The following GNA11 variants were observed in gnomAD, a reference collection of about 807,000 sequenced individuals.
GNA11 encodes the protein G protein subunit alpha 11.
In GNA11, 8 loss-of-function variants were observed where a neutral mutation model predicts 38.2. That is an observed-to-expected ratio of 0.21 (90% CI 0.12 to 0.38). The LOEUF (loss-of-function observed/expected upper bound fraction) is 0.38. Ranked by LOEUF, GNA11 falls within the 10% of genes least tolerant of loss-of-function variation. GNA11 has a pLI of 1.00. For synonymous variants in GNA11, 211 were observed against 221.4 expected (o/e 0.95, Z 0.42); for missense variants, 268 against 516.3 (o/e 0.52, Z 4.66).
rs1914123630 is a variant in GNA11 at position 3,122,990 on chromosome 19, G to A, written c.*1811G>A. 4.3e-6 allele frequency: 1 copy of A among 233,266 alleles called. No homozygotes were observed. Among genetic ancestry groups the A allele is most frequent in the Non-Finnish European group, 8.5e-6 (1 of 118,108 alleles). The allele number at this position is 233,266 out of a possible 1,614,324, so 14.4% of individuals were successfully genotyped here. A position where few individuals can be genotyped will look rare whatever the true frequency, so the allele number is the denominator to read the frequency against. On this transcript the variant is annotated 3_prime_UTR_variant, in exon 7 of 7. Transcript: ENST00000078429. This position sits in a 1 kb window ranked among gnomAD's most constrained non-coding sequence, Gnocchi z 7.7. ...CACCACTTCTGTCTCACCCGGAAGC[G>A]TCCTTTTTTTGTGCCAGGTGTCTAC... is the stretch of plus-strand genomic sequence containing the variant.
intron 1 of GNA11, among the ~76,000 whole-genome samples, chr19:3,109,157 C>T (rs1306240625): frequency 1.3e-5 from 2 of 152,210 alleles, no homozygotes; most frequent in Admixed American, 6.5e-5. Flanking sequence ...TTTGTGGACA[C>T]ACTGGAAAAC....
At chr19:3,102,331 G>T (rs1445834551) in intron 1 of GNA11, among the ~76,000 whole-genome samples, 1 of 152,180 alleles carries the variant, frequency 6.6e-6, no homozygotes, top group Non-Finnish European at 1.5e-5. Context: ...GATGGGATTG[G>T]GTTCCAGTCC....
chr19:3,110,438 C>A lies in GNA11; in HGVS notation c.321+105C>A. The A allele has an allele frequency of 1.2e-6, 1 of 853,288 alleles. No homozygotes were observed. Among genetic ancestry groups the A allele is most frequent in the Non-Finnish European group, 1.8e-6 (1 of 543,498 alleles). The allele number at this position is 853,288 out of a possible 1,614,324, so 52.9% of individuals were successfully genotyped here. On this transcript the variant is annotated intron_variant, in intron 2 of 6. Coordinates refer to ENST00000078429, the MANE Select transcript of GNA11 (RefSeq NM_002067.5). This position sits in a 1 kb window ranked among gnomAD's most constrained non-coding sequence, Gnocchi z 5.4. ...GGTGGGGCCATGCCGGGGGTCCCGGCCGGCCCAGGCTACCCCTGGTCATCC... is the reference window on the plus strand; with the variant it reads ...GGTGGGGCCATGCCGGGGGTCCCGGACGGCCCAGGCTACCCCTGGTCATCC...
chr19:3,121,195 G>C lies in GNA11; in HGVS notation c.*16G>C, dbSNP rs779703492. The C allele has an allele frequency of 6.3e-7, 1 of 1,598,522 alleles. No homozygotes were observed. Among genetic ancestry groups the C allele is most frequent in the Admixed American group, 1.7e-5 (1 of 59,432 alleles). Reference sequence around the variant, plus strand: ...CCTGGTCTGAGCGCCCAGGCCCAGGGAGACGGGATGGAGACACGGGGCAGG... The same window carrying C: ...CCTGGTCTGAGCGCCCAGGCCCAGGCAGACGGGATGGAGACACGGGGCAGG... On this transcript the variant is annotated 3_prime_UTR_variant, in exon 7 of 7. Transcript: ENST00000078429.
intron 1 of GNA11, among the ~76,000 whole-genome samples, chr19:3,109,634 C>T (rs895741705): frequency 1.2e-4 from 18 of 152,258 alleles, no homozygotes; most frequent in East Asian, 3.9e-4. Flanking sequence ...GCAGTGTGGC[C>T]GTGGCCGCTG....
rs1913322362 is a variant in GNA11, at chr19:3,094,833, T to G, written c.136+46T>G. On this transcript the variant is annotated intron_variant, in intron 1 of 6. Coordinates refer to ENST00000078429, the MANE Select transcript of GNA11 (RefSeq NM_002067.5). The surrounding 1 kb of genome is among the most constrained non-coding windows in gnomAD (Gnocchi z 6.0). ...TGCCGGCTGCGGGCCCTGCCCTGCC[T>G]GTGCCTGCCCTGCCTGTCCGGGTCG... 2 of 1,427,616 alleles carry G rather than the reference T, an allele frequency of 1.4e-6. No homozygotes were observed. The highest frequency in any genetic ancestry group is 3.0e-5 in the African/African-American group (2 of 67,346). 88.4% of individuals were successfully genotyped at this position (1,427,616 alleles called of 1,614,324 possible).
chr19:3,100,879 G>A (rs942337843), intron 1 of GNA11, among the ~76,000 whole-genome samples: 1 of 152,212 alleles, frequency 6.6e-6, no homozygotes. Context: ...CAGCGGGGAG[G>A]GAGCCCTCTT....
intron 1 of GNA11, among the ~76,000 whole-genome samples, chr19:3,106,860 A>G (rs1203127520): frequency 2.0e-5 from 3 of 152,204 alleles, no homozygotes; most frequent in Non-Finnish European, 2.9e-5. Context: ...CTCCCCCATC[A>G]GTGTATCCAT....
Position 3,121,035 on chromosome 19 carries a change from G to A in GNA11, c.936G>A (p.Met312Ile), listed in dbSNP as rs1914059041. 2 of 1,613,634 alleles carry A rather than the reference G, an allele frequency of 1.2e-6. No individual in the cohort carries two copies. The highest frequency in any genetic ancestry group is 8.5e-7 in the Non-Finnish European group (1 of 1,179,830). Residue 312 changes from methionine to isoleucine, a missense_variant, in exon 7 of 7, where the codon ATG (methionine) becomes ATA (isoleucine). Around this residue, in one of 3 missense-constraint regions of GNA11, gnomAD observed 92 missense variants for 166.7 expected, o/e 0.55. Transcript: ENST00000078429. ...CGGCGCGGGAGTTCATCCTGAAGAT[G>A]TTCGTGGACCTGAACCCCGACAGCG... ...AQAAREFILK[M>I]FVDLNPDSDK...
chr19:3,110,043 T>C lies in GNA11; in HGVS notation c.137-106T>C. Reference sequence around the variant, plus strand: ...AGACGGTCAGCCTCACGTGCCTTGGTTTCCTGTGCTGGGTGCTGCAGCACG... The same window carrying C: ...AGACGGTCAGCCTCACGTGCCTTGGCTTCCTGTGCTGGGTGCTGCAGCACG... On this transcript the variant is annotated intron_variant, in intron 1 of 6. Transcript: ENST00000078429. The surrounding 1 kb of genome is among the most constrained non-coding windows in gnomAD (Gnocchi z 5.4). 1.2e-6 allele frequency: 1 copy of C among 867,568 alleles called. No homozygotes were observed. The allele number at this position is 867,568 out of a possible 1,614,324, so 53.7% of individuals were successfully genotyped here. A position where few individuals can be genotyped will look rare whatever the true frequency, so the allele number is the denominator to read the frequency against.
At chr19:3,101,115 CTG>C (rs1196148291) in intron 1 of GNA11, among the ~76,000 whole-genome samples, 1 of 152,178 alleles carries the variant, frequency 6.6e-6, no homozygotes, top group African/African-American at 2.4e-5. Context: ...TTCTGTCAAA[CTG>C]TGTGGTCACC....
At chr19:3,104,181 C>T (rs928454015) in intron 1 of GNA11, among the ~76,000 whole-genome samples, 2 of 152,254 alleles carry the variant, frequency 1.3e-5, no homozygotes, top group Admixed American at 1.3e-4. Flanking sequence ...CCTCTTGTGG[C>T]GCTTGGAGCC....
rs1914093374 is a variant in GNA11, at chr19:3,122,030, A to G, written c.*851A>G. On this transcript the variant is annotated 3_prime_UTR_variant, in exon 7 of 7. Transcript: ENST00000078429. The surrounding 1 kb of genome is among the most constrained non-coding windows in gnomAD (Gnocchi z 7.7). ...ACTGGCTGCTTGGGGCTGCCCGGGGACTCCAGAGGGCTGCACGGCCACCCT... is the reference window on the plus strand; with the variant it reads ...ACTGGCTGCTTGGGGCTGCCCGGGGGCTCCAGAGGGCTGCACGGCCACCCT... 1 of 232,062 alleles carries G rather than the reference A, an allele frequency of 4.3e-6. No homozygotes were observed. Among genetic ancestry groups the G allele is most frequent in the Non-Finnish European group, 8.5e-6 (1 of 117,540 alleles). 14.4% of individuals were successfully genotyped at this position (232,062 alleles called of 1,614,324 possible).
Position 3,119,072 on chromosome 19 carries a change from A to G in GNA11, c.735+19A>G. Reference sequence around the variant, plus strand: ...CAACGAGGTGGGCCCTGCCCTGAGCAGGGGCAGCGTTGGGGGCCGGGCCTT... The same window carrying G: ...CAACGAGGTGGGCCCTGCCCTGAGCGGGGGCAGCGTTGGGGGCCGGGCCTT... On this transcript the variant is annotated intron_variant, in intron 5 of 6. Transcript: ENST00000078429. This position sits in a 1 kb window ranked among gnomAD's most constrained non-coding sequence, Gnocchi z 4.6. 3 of 1,612,320 alleles carry G rather than the reference A, an allele frequency of 1.9e-6. No individual in the cohort carries two copies. The highest frequency in any genetic ancestry group is 2.5e-6 in the Non-Finnish European group (3 of 1,178,830).
In GNA11 at chr19:3,122,094, C is replaced by T. The variant is rs768097861; in HGVS notation, c.*915C>T. ...CGCACCCCACCGGAGCCCACGTGGGCTGGGCGGCTGGAGGGATGGTCCCCC... is the reference window on the plus strand; with the variant it reads ...CGCACCCCACCGGAGCCCACGTGGGTTGGGCGGCTGGAGGGATGGTCCCCC... On this transcript the variant is annotated 3_prime_UTR_variant, in exon 7 of 7. Coordinates refer to ENST00000078429, the MANE Select transcript of GNA11 (RefSeq NM_002067.5). The surrounding 1 kb of genome is among the most constrained non-coding windows in gnomAD (Gnocchi z 7.7). The T allele has an allele frequency of 3.4e-5, 8 of 233,214 alleles. No individual in the cohort carries two copies. The highest frequency in any genetic ancestry group is 1.2e-3 in the Middle Eastern group (1 of 814). The allele number at this position is 233,214 out of a possible 1,614,324, so 14.4% of individuals were successfully genotyped here.
chr19:3,103,474 A>G (rs997262619), intron 1 of GNA11, among the ~76,000 whole-genome samples: 3 of 143,220 alleles, frequency 2.1e-5, no homozygotes, highest in African/African-American at 7.6e-5. Context: ...TGGCCTCCCA[A>G]AGTGCTGGGA....
chr19:3,094,665 C>G lies in GNA11; in HGVS notation c.14C>G (p.Ser5Cys). 6.5e-7 allele frequency: 1 copy of G among 1,546,566 alleles called. No homozygotes were observed. The highest frequency in any genetic ancestry group is 1.2e-5 in the South Asian group (1 of 84,552). Residue 5 changes from serine to cysteine, a missense_variant, in exon 1 of 7, where the codon TCC (serine) becomes TGC (cysteine). Coordinates refer to ENST00000078429, the MANE Select transcript of GNA11 (RefSeq NM_002067.5). This position sits in a 1 kb window ranked among gnomAD's most constrained non-coding sequence, Gnocchi z 6.0. MTLE[S>C]MMACCLSDEV... ...GGGGCCGGGACGATGACTCTGGAGT[C>G]CATGATGGCGTGTTGCCTGAGCGAT...
intron 1 of GNA11, among the ~76,000 whole-genome samples, chr19:3,099,575 G>A (rs1599296166): frequency 1.3e-5 from 2 of 152,262 alleles, no homozygotes; most frequent in African/African-American, 4.8e-5. Context: ...CATCTGTAGG[G>A]CACCTGGCAG....
Position 3,110,069 on chromosome 19 carries a change from G to A in GNA11, c.137-80G>A, listed in dbSNP as rs941298170. The A allele has an allele frequency of 1.0e-5, 12 of 1,180,012 alleles. No homozygotes were observed. The highest frequency in any genetic ancestry group is 4.2e-5 in the Admixed American group (2 of 47,914). The allele number at this position is 1,180,012 out of a possible 1,614,324, so 73.1% of individuals were successfully genotyped here. ...TTCCTGTGCTGGGTGCTGCAGCACG[G>A]CAGGGTCTGGGTAAGAGGGGGCAGC... On this transcript the variant is annotated intron_variant, in intron 1 of 6. Transcript: ENST00000078429. The surrounding 1 kb of genome is among the most constrained non-coding windows in gnomAD (Gnocchi z 5.4).
Sources: gnomAD v4.1 joint callset for allele counts (sites outside exome capture counted in the v4.1 genomes callset) on GRCh38, gnomAD v4.1.1 for gene constraint, gnomAD v4.1.1 regional missense constraint, Gnocchi (gnomAD v3.1) non-coding constraint, MANE v1.5 for transcripts, NCBI Gene and HGNC (gene_info 2026-07-23, HGNC 2026-07-21) for gene names.